The following HYCC2 variants were observed in gnomAD, a reference collection of about 807,000 sequenced individuals.
HYCC2 encodes hyccin PI4KA lipid kinase complex subunit 2.
chr2:201,019,313 C>T, the HYCC2 span, among the ~76,000 whole-genome samples: 21 of 152,144 alleles, frequency 1.4e-4, no homozygotes, highest in African/African-American at 5.1e-4. Flanking sequence ...GGTACACTGG[C>T]ATGTGGGACA....
the HYCC2 span, among the ~76,000 whole-genome samples, chr2:200,986,208 C>A: frequency 6.6e-6 from 1 of 152,158 alleles, no homozygotes; most frequent in Non-Finnish European, 1.5e-5. Flanking sequence ...CATGCACATG[C>A]AACACTGTTA....
chr2:201,069,075 T>C, the HYCC2 span, among the ~76,000 whole-genome samples: 8 of 152,330 alleles, frequency 5.3e-5, no homozygotes, highest in Admixed American at 2.6e-4. Flanking sequence ...CTTCTGCCCA[T>C]ATTTTATCAG....
chr2:201,051,126 T>G, the HYCC2 span, among the ~76,000 whole-genome samples: 6 of 152,164 alleles, frequency 3.9e-5, no homozygotes, highest in African/African-American at 1.4e-4. Context: ...TCCAGGCATA[T>G]AACGGCAGTT....
At chr2:201,071,439 C>A in the HYCC2 span, 1 of 152,602 alleles carries the variant, frequency 6.6e-6, no homozygotes, top group Non-Finnish European at 1.5e-5. Flanking sequence ...CCTCACGACC[C>A]TCCCAAGATG....
the HYCC2 span, among the ~76,000 whole-genome samples, chr2:201,042,262 A>G: frequency 6.6e-6 from 1 of 151,984 alleles, no homozygotes. Context: ...TCAATGCTCA[A>G]TGTTGCCCAG....
chr2:200,997,800 G>C, the HYCC2 span, among the ~76,000 whole-genome samples: 1 of 152,192 alleles, frequency 6.6e-6, no homozygotes, highest in Non-Finnish European at 1.5e-5. Flanking sequence ...CACTTTGGGA[G>C]GCCGAAGTGG....
At chr2:200,982,854 T>G in the HYCC2 span, among the ~76,000 whole-genome samples, 1 of 152,102 alleles carries the variant, frequency 6.6e-6, no homozygotes, top group South Asian at 2.1e-4. Context: ...GCCTCCCAGG[T>G]TCAAGTAATT....
chr2:201,003,527 G>A, the HYCC2 span, among the ~76,000 whole-genome samples: 1 of 151,832 alleles, frequency 6.6e-6, no homozygotes, highest in South Asian at 2.1e-4. Flanking sequence ...CGACCAAAAT[G>A]GTGAAACCCC....
the HYCC2 span, among the ~76,000 whole-genome samples, chr2:201,050,628 C>T: frequency 4.0e-5 from 6 of 150,540 alleles, no homozygotes; most frequent in African/African-American, 1.5e-4. Context: ...ATAAAGACTT[C>T]CTATTTTTAA....
At chr2:200,979,972 C>T in the HYCC2 span, 6 of 152,686 alleles carry the variant, frequency 3.9e-5, no homozygotes, top group East Asian at 1.2e-3. Flanking sequence ...TGAGGAACTG[C>T]AGATATATGA....
chr2:201,003,805 CTT>C, the HYCC2 span, among the ~76,000 whole-genome samples: 2,351 of 66,226 alleles, frequency 0.035, 6 homozygotes, highest in South Asian at 0.054. Context: ...GTTGTTGTTG[CTT>C]TTTTTTTTTT....
At chr2:200,991,012 A>G in the HYCC2 span, among the ~76,000 whole-genome samples, 1 of 152,246 alleles carries the variant, frequency 6.6e-6, no homozygotes, top group South Asian at 2.1e-4. Flanking sequence ...CCAGCCTTAC[A>G]TTTGTTTTTT....
chr2:201,018,807 G>A, the HYCC2 span, among the ~76,000 whole-genome samples: 2 of 152,018 alleles, frequency 1.3e-5, no homozygotes, highest in South Asian at 4.2e-4. Flanking sequence ...CTCCAGCCTG[G>A]GTAACAGAGC....
the HYCC2 span, among the ~76,000 whole-genome samples, chr2:201,043,002 TG>T: frequency 6.6e-6 from 1 of 151,742 alleles, no homozygotes; most frequent in Non-Finnish European, 1.5e-5. Context: ...AAGGGGGAAA[TG>T]TGGGGAAAAG....
chr2:200,997,480 G>A, the HYCC2 span: 2 of 1,613,272 alleles, frequency 1.2e-6, no homozygotes, highest in African/African-American at 1.3e-5. Flanking sequence ...GGTAAGATGA[G>A]GCAGGCATAT....
At chr2:201,010,075 T>C in the HYCC2 span, among the ~76,000 whole-genome samples, 1 of 143,816 alleles carries the variant, frequency 7.0e-6, no homozygotes, top group Non-Finnish European at 1.5e-5. Flanking sequence ...CTGCACTCCA[T>C]CCTGGGTGAC....
the HYCC2 span, among the ~76,000 whole-genome samples, chr2:201,036,008 C>G: frequency 6.6e-6 from 1 of 152,016 alleles, no homozygotes; most frequent in Non-Finnish European, 1.5e-5. Flanking sequence ...GTCAGTCTGT[C>G]CCTACTGGGG....
chr2:201,026,866 A>G, the HYCC2 span, among the ~76,000 whole-genome samples: 82 of 152,348 alleles, frequency 5.4e-4, no homozygotes, highest in African/African-American at 1.9e-3. Flanking sequence ...AAAGTAGGAA[A>G]GACCTAAAAT....
chr2:201,042,652 G>A, the HYCC2 span, among the ~76,000 whole-genome samples: 6 of 149,068 alleles, frequency 4.0e-5, no homozygotes, highest in East Asian at 2.0e-4. Flanking sequence ...CGCCCCATCC[G>A]GGAAGTGAGG....
Sources: gnomAD v4.1 joint callset for allele counts (sites outside exome capture counted in the v4.1 genomes callset) on GRCh38, gnomAD v4.1.1 for gene constraint, MANE v1.5 for transcripts, NCBI Gene and HGNC (gene_info 2026-07-23, HGNC 2026-07-21) for gene names.